The following DDX59 variants were observed in gnomAD, a reference collection of about 807,000 sequenced individuals.
DDX59 encodes DEAD-box helicase 59.
A neutral mutation model predicts 51.9 loss-of-function variants in DDX59; 30 were observed. The ratio of observed to expected loss-of-function variants is 0.58; its 90% CI spans 0.43 to 0.78. The LOEUF (loss-of-function observed/expected upper bound fraction) is 0.78. Ranked by LOEUF, DDX59 falls within the 30% of genes least tolerant of loss-of-function variation. The pLI, the probability that DDX59 is intolerant of heterozygous loss-of-function variation, is 0.00. For missense variants in DDX59, 672 were observed against 730.8 expected, an observed-to-expected ratio of 0.92 and a Z score of 0.93; for synonymous variants, 255 against 253.3, an observed-to-expected ratio of 1.01 and a Z score of -0.06.
chr1:200,668,167 C>T lies in DDX59; in HGVS notation c.-11-1416G>A, dbSNP rs187722500. ...AACAAAACAAAAAAAATTAGCCGGG[C>T]GTTGGCGGCAGGCGCCTGTAGTCCC... On this transcript the variant is annotated intron_variant, in intron 1 of 7. Transcript: ENST00000331314. 5.1e-4 allele frequency among the ~76,000 whole-genome samples: 78 copies of T among 152,084 alleles called. No homozygotes were observed. In the East Asian group the frequency reaches 9.3e-3, roughly 18 times the overall value.
At chr1:200,643,022 T>C (rs1451718724), downstream of DDX59, among the ~76,000 whole-genome samples, 1 of 152,238 alleles carries the variant, frequency 6.6e-6, no homozygotes, top group Non-Finnish European at 1.5e-5. Context: ...AATATTTTTT[T>C]GCATTACTAC....
intron 2 of DDX59, among the ~76,000 whole-genome samples, chr1:200,664,918 G>A (rs977072495): frequency 6.6e-6 from 1 of 152,086 alleles, no homozygotes; most frequent in Admixed American, 6.5e-5. Context: ...CAGGTGATCT[G>A]CCCACCTCGC....
intron 4 of DDX59, among the ~76,000 whole-genome samples, chr1:200,655,677 C>T (rs1485563820): frequency 6.6e-6 from 1 of 152,298 alleles, no homozygotes; most frequent in South Asian, 2.1e-4. Flanking sequence ...AGAACTGATA[C>T]ATCCTCTAGT....
At chr1:200,652,667 ATT>A (rs10590500) in intron 4 of DDX59, among the ~76,000 whole-genome samples, 71,778 of 117,134 alleles carry the variant, frequency 0.61, 20,716 homozygotes, top group Non-Finnish European at 0.69. Context: ...CATAAAAAGC[ATT>A]TTTTTTTTTT....
intron 4 of DDX59, among the ~76,000 whole-genome samples, chr1:200,657,330 A>AG (rs1271537225): frequency 6.6e-6 from 1 of 151,752 alleles, no homozygotes; most frequent in Non-Finnish European, 1.5e-5. Context: ...TTATCAACAA[A>AG]GGGAAGCCCA....
intron 5 of DDX59, among the ~76,000 whole-genome samples, chr1:200,649,560 T>C (rs1233776756): frequency 7.5e-6 from 1 of 134,008 alleles, no homozygotes; most frequent in African/African-American, 2.9e-5. Context: ...ACCTGAGAGG[T>C]AGAGGTTGCA....
chr1:200,651,815 T>G (rs1661678336), intron 4 of DDX59, among the ~76,000 whole-genome samples: 1 of 152,118 alleles, frequency 6.6e-6, no homozygotes, highest in Non-Finnish European at 1.5e-5. Context: ...GAGACCATCC[T>G]GGCTAACACG....
At chr1:200,662,895 T>C (rs1662469521) in intron 3 of DDX59, among the ~76,000 whole-genome samples, 1 of 152,226 alleles carries the variant, frequency 6.6e-6, no homozygotes, top group Admixed American at 6.5e-5. Context: ...ACTTATAATT[T>C]GGCATTAATA....
chr1:200,649,115 G>T lies in DDX59; in HGVS notation c.1426C>A (p.His476Asn). 6.3e-7 allele frequency: 1 copy of T among 1,579,992 alleles called. No homozygotes were observed. Among genetic ancestry groups the T allele is most frequent in the African/African-American group, 1.4e-5 (1 of 72,618 alleles). The change falls in exon 6 of 8, where the codon CAT becomes AAT. Residue 476 changes from histidine (H) to asparagine (N), a missense_variant. Coordinates refer to ENST00000331314, the MANE Select transcript of DDX59 (RefSeq NM_001031725.6). ...KITGLKSISI[H>N]SEKSQIERKN... ...CTTTCTATTTGCGACTTCTCTGAAT[G>T]TATAGATATGCTTTTCAGCCCTGTG...
chr1:200,664,196 AC>A, intron 2 of DDX59, 110 bp from the exon 3 acceptor site: 1 of 1,220,070 alleles, frequency 8.2e-7, no homozygotes, highest in South Asian at 1.6e-5. Flanking sequence ...AGTGTTCCCA[AC>A]TGGGTATGAG....
chr1:200,668,099 C>T (rs1662902201), intron 1 of DDX59, among the ~76,000 whole-genome samples: 1 of 151,996 alleles, frequency 6.6e-6, no homozygotes, highest in Non-Finnish European at 1.5e-5. Context: ...GAGATCAAGA[C>T]CATCCTGGCT....
At chr1:200,648,734 C>T (rs948392130) in intron 6 of DDX59, among the ~76,000 whole-genome samples, 167 bp from the exon 7 acceptor site, 1 of 152,142 alleles carries the variant, frequency 6.6e-6, no homozygotes, top group Admixed American at 6.6e-5. Context: ...AGCTAAAATT[C>T]TCCCCAATCC....
At chr1:200,653,655 T>C (rs1661813337) in intron 4 of DDX59, among the ~76,000 whole-genome samples, 1 of 152,222 alleles carries the variant, frequency 6.6e-6, no homozygotes, top group South Asian at 2.1e-4. Context: ...TTCTCATCTT[T>C]GTCCACTTCT....
chr1:200,663,911 G>C lies in DDX59; in HGVS notation c.972+8C>G, dbSNP rs184856233. ...TTTTCAAAGACATTGTATCAAATCA[G>C]TGCTTACCTTAACATGTTGTTGCAG... On this transcript the variant is annotated splice_region_variant and intron_variant, in intron 3 of 7. Transcript: ENST00000331314. The C allele has an allele frequency of 1.7e-5, 27 of 1,598,776 alleles. No individual in the cohort carries two copies. In the East Asian group the frequency reaches 5.6e-4, roughly 33 times the overall value.
chr1:200,641,358 G>C, downstream of DDX59: 1 of 413,278 alleles, frequency 2.4e-6, no homozygotes, highest in East Asian at 8.3e-5. Flanking sequence ...TAAATATGTG[G>C]CAATGATCTT....
intron 3 of DDX59, among the ~76,000 whole-genome samples, chr1:200,663,571 G>A (rs1438293033): frequency 6.6e-6 from 1 of 152,146 alleles, no homozygotes; most frequent in African/African-American, 2.4e-5. Flanking sequence ...ATTAGCTATA[G>A]ATCCTTAGAT....
rs753216834 is a variant in DDX59 at position 200,664,085 on chromosome 1, C to T, written c.806G>A (p.Ser269Asn). The change falls in exon 3 of 8, where the codon AGC becomes AAC. Residue 269 changes from serine to asparagine, a missense_variant and splice_region_variant. Transcript: ENST00000331314. ...AAGAATGAGCGCAGATGGAGTTTTG[C>T]TCTGCAAAGATGTGAAAAACAAGTT... ...LPVIMRALFE[S>N]KTPSALILTP... is the part of the protein sequence containing the mutation. 2 of 1,609,600 alleles carry T rather than the reference C, an allele frequency of 1.2e-6. No individual in the cohort carries two copies. The highest frequency in any genetic ancestry group is 2.7e-5 in the African/African-American group (2 of 74,700).
chr1:200,657,249 C>CAA (rs147751957), intron 4 of DDX59, among the ~76,000 whole-genome samples: 102 of 77,542 alleles, frequency 1.3e-3, no homozygotes, highest in East Asian at 2.5e-3. Flanking sequence ...AAACTGTCTA[C>CAA]AAAAAAAAAA....
intron 4 of DDX59, chr1:200,654,946 T>C (rs190412478): frequency 6.6e-6 from 1 of 152,314 alleles, no homozygotes; most frequent in East Asian, 1.9e-4. Flanking sequence ...GCCAGGCCCT[T>C]AGCCCTAGCC....
Sources: allele counts gnomAD v4.1 joint callset (sites outside exome capture counted in the v4.1 genomes callset), GRCh38; gene constraint gnomAD v4.1.1; transcripts MANE v1.5; gene names NCBI Gene and HGNC (gene_info 2026-07-23, HGNC 2026-07-21).